MGA: variants seen among roughly 807,000 people sequenced by gnomAD.
MGA encodes the protein MAX gene-associated protein.
In MGA, 40 loss-of-function variants were observed where a neutral mutation model predicts 261.1. That is an observed-to-expected ratio of 0.15 (90% CI 0.12 to 0.20). The LOEUF (loss-of-function observed/expected upper bound fraction) is 0.20, where lower values mean the gene tolerates loss of function less well. Ranked by LOEUF, MGA falls within the 10% of genes least tolerant of loss-of-function variation. The pLI is 1.00. For synonymous variants in MGA, 1,302 were observed against 1,290.6 expected, an observed-to-expected ratio of 1.01 and a Z score of -0.19; for missense variants, 3,397 against 3,630.5, an observed-to-expected ratio of 0.94 and a Z score of 1.65.
rs774563391 is a variant in MGA, at chr15:41,766,391, C to T, written c.8309C>T (p.Ser2770Leu). The change falls in exon 24 of 24, where the codon TCA (serine) becomes TTA (leucine). Residue 2770 changes from serine (S) to leucine (L), a missense_variant. Physicochemically the swap from Ser to Leu is moderately radical, Grantham distance 145. Around this residue, in one of 9 missense-constraint regions of MGA, gnomAD observed 647 missense variants for 642.4 expected, o/e 1.01. Transcript: ENST00000219905. Reference sequence around the variant, plus strand: ...GAATCAAGAGGGGAGAGAGTGAAGTCAAAGGATTCTTCATTTCATAAATTA... The same window carrying T: ...GAATCAAGAGGGGAGAGAGTGAAGTTAAAGGATTCTTCATTTCATAAATTA... 1 of 1,613,708 alleles carries T rather than the reference C, an allele frequency of 6.2e-7. No individual in the cohort carries two copies. The highest frequency in any genetic ancestry group is 8.5e-7 in the Non-Finnish European group (1 of 1,179,792).
chr15:41,769,300 T>C lies in MGA; in HGVS notation c.*2020T>C, dbSNP rs1476205292. The C allele has an allele frequency of 3.4e-5, 1 of 29,182 alleles. No homozygotes were observed. Among genetic ancestry groups the C allele is most frequent in the South Asian group, 1.3e-3 (1 of 780 alleles). The allele number at this position is 29,182 out of a possible 1,614,324, so 1.8% of individuals were successfully genotyped here. A position where few individuals can be genotyped will look rare whatever the true frequency, so the allele number is the denominator to read the frequency against. On this transcript the variant is annotated 3_prime_UTR_variant, in exon 24 of 24. Transcript: ENST00000219905. ...AGGACCATTTTAGCTTAACACTTCCTTTTTTTTTTTTTTTTTTTTAAGAAG... is the reference window on the plus strand; with the variant it reads ...AGGACCATTTTAGCTTAACACTTCCCTTTTTTTTTTTTTTTTTTTAAGAAG...
intron 1 of MGA, among the ~76,000 whole-genome samples, chr15:41,639,514 G>GTT (rs201352283): frequency 1.4e-5 from 2 of 144,442 alleles, no homozygotes; most frequent in Admixed American, 6.9e-5. Flanking sequence ...GGAGCATGTA[G>GTT]TTTTTTTTTT....
rs770801369 is a variant in MGA, at chr15:41,697,031, T to G, written c.2013+8T>G. On this transcript the variant is annotated splice_region_variant and intron_variant, in intron 3 of 23. Transcript: ENST00000219905. ...GTTTCCTTTGAATCAAAGGTAAGATTGTAATTTTCAGGATTCTTTAAGGCT... is the reference window on the plus strand; with the variant it reads ...GTTTCCTTTGAATCAAAGGTAAGATGGTAATTTTCAGGATTCTTTAAGGCT... 7 of 1,513,938 alleles carry G rather than the reference T, an allele frequency of 4.6e-6. No homozygotes were observed. In the South Asian group the frequency reaches 7.7e-5, roughly 17 times the overall value. 93.8% of individuals were successfully genotyped at this position (1,513,938 alleles called of 1,614,324 possible).
At chr15:41,671,527 C>G (rs1327278564) in intron 2 of MGA, among the ~76,000 whole-genome samples, 1 of 152,016 alleles carries the variant, frequency 6.6e-6, no homozygotes, top group Admixed American at 6.6e-5. Context: ...TGGGGTTTCA[C>G]CATGTTGGCC....
chr15:41,656,377 T>TCTCTCTCTCTCTCTCTCTCTCTCACA (rs1555403733), upstream of MGA, among the ~76,000 whole-genome samples: 53 of 68,196 alleles, frequency 7.8e-4, 1 homozygote, highest in Admixed American at 1.5e-3. Flanking sequence ...TCTCTCTCTC[T>TCTCTCTCTCTCTCTCTCTCTCTCACA]CACACCCAGG....
chr15:41,735,804 C>G (rs1357032256), intron 12 of MGA, among the ~76,000 whole-genome samples: 1 of 152,000 alleles, frequency 6.6e-6, no homozygotes, highest in Non-Finnish European at 1.5e-5. Context: ...GTACATGTTT[C>G]AAAGCATCTA....
At chr15:41,694,446 A>C (rs1015261953) in intron 2 of MGA, among the ~76,000 whole-genome samples, 91 of 152,006 alleles carry the variant, frequency 6.0e-4, no homozygotes, top group African/African-American at 2.0e-3. Flanking sequence ...AGTTGTGTAA[A>C]TGCTGTTTTC....
At chr15:41,760,145 T>C (rs528132955) in intron 19 of MGA, 178 bp from the exon 20 acceptor site, 22 of 599,850 alleles carry the variant, frequency 3.7e-5, no homozygotes, top group Non-Finnish European at 6.3e-5. Flanking sequence ...ACTGTTGGCA[T>C]TGTAAGAGTT....
intron 2 of MGA, among the ~76,000 whole-genome samples, chr15:41,693,137 G>A (rs1314869386): frequency 6.6e-6 from 1 of 152,100 alleles, no homozygotes; most frequent in African/African-American, 2.4e-5. Context: ...ACCACACCCG[G>A]CTTCTATTGG....
intron 1 of MGA, among the ~76,000 whole-genome samples, chr15:41,652,654 T>C (rs1226067195): frequency 1.3e-5 from 2 of 151,870 alleles, no homozygotes; most frequent in Admixed American, 6.6e-5. Context: ...CTTATACCCT[T>C]TGTAGGTTTT....
At chr15:41,713,098 G>C in intron 8 of MGA, 53 bp from the exon 9 acceptor site, 1 of 1,576,952 alleles carries the variant, frequency 6.3e-7, no homozygotes, top group Non-Finnish European at 8.6e-7. Context: ...ATAAGTTGGT[G>C]GTGGTGTAGG....
chr15:41,727,434 C>T (rs2061309140), intron 10 of MGA, 28 bp downstream of exon 10: 1 of 1,583,672 alleles, frequency 6.3e-7, no homozygotes, highest in Non-Finnish European at 8.6e-7. Flanking sequence ...TCTTTTATTA[C>T]AAGTTACCAA....
rs746662006 is a variant in MGA, at chr15:41,669,647, C to T, written c.753C>T (p.Tyr251=). 34 of 1,613,744 alleles carry T rather than the reference C, an allele frequency of 2.1e-5. No individual in the cohort carries two copies. Among genetic ancestry groups the T allele is most frequent in the Non-Finnish European group, 2.9e-5 (34 of 1,179,794 alleles). The change falls in exon 2 of 24, where the codon TAC becomes TAT. Residue 251 remains tyrosine, a synonymous_variant. Transcript: ENST00000219905. ...AGATTACTCAGCTGAAAATAGATTA[C>T]AATCCATTTGCCAAAGGCTTTCGGG...
chr15:41,694,478 TTTTG>T (rs1258527494), intron 2 of MGA, among the ~76,000 whole-genome samples: 1 of 152,112 alleles, frequency 6.6e-6, no homozygotes, highest in East Asian at 1.9e-4. Context: ...ATTTTAAATT[TTTTG>T]TTTATTTATT....
Position 41,648,277 on chromosome 15 carries a change from T to G in MGA, c.-67-20551T>G, listed in dbSNP as rs554775217. 2.0e-5 allele frequency among the ~76,000 whole-genome samples: 3 copies of G among 152,356 alleles called. No homozygotes were observed. In the East Asian group the frequency reaches 5.8e-4, roughly 29 times the overall value. ...AGAGTGTCTGGGTTCAAGTTTTGAC[T>G]CCTTACTGCTTTGTGACCTTGAACA... On this transcript the variant is annotated intron_variant, in intron 1 of 8. Coordinates refer to the MGA transcript ENST00000566718.
At chr15:41,737,649 T>C (rs1038130615) in intron 13 of MGA, among the ~76,000 whole-genome samples, 2 of 152,082 alleles carry the variant, frequency 1.3e-5, no homozygotes, top group Non-Finnish European at 2.9e-5. Flanking sequence ...ATATAGAAAA[T>C]TTGAAAAGAG....
intron 23 of MGA, 95 bp from the exon 24 acceptor site, chr15:41,765,909 A>G (rs547875428): frequency 1.9e-6 from 2 of 1,036,718 alleles, no homozygotes; most frequent in African/African-American, 3.2e-5. Context: ...TTAGACTACA[A>G]ATCCCTAAGA....
chr15:41,664,274 C>T (rs1282342080), intron 1 of MGA, among the ~76,000 whole-genome samples: 1 of 152,098 alleles, frequency 6.6e-6, no homozygotes, highest in Non-Finnish European at 1.5e-5. Flanking sequence ...TTTGCTTCGG[C>T]AGAAAGAAAA....
chr15:41,677,362 G>C (rs532528567), intron 2 of MGA, among the ~76,000 whole-genome samples: 5 of 152,144 alleles, frequency 3.3e-5, no homozygotes, highest in African/African-American at 9.7e-5. Flanking sequence ...GGCTGGTTTC[G>C]AACTCCTGAC....
Sources: allele counts gnomAD v4.1 joint callset (sites outside exome capture counted in the v4.1 genomes callset), GRCh38; gene constraint gnomAD v4.1.1; regional missense constraint gnomAD v4.1.1; transcripts MANE v1.5; gene names NCBI Gene and HGNC (gene_info 2026-07-23, HGNC 2026-07-21).